HYCC1: variants seen among roughly 807,000 people sequenced by gnomAD.
The protein encoded by HYCC1 is hyccin.
At chr7:22,992,988 T>TA in the HYCC1 span, among the ~76,000 whole-genome samples, 1 of 152,082 alleles carries the variant, frequency 6.6e-6, no homozygotes, top group African/African-American at 2.4e-5. Context: ...GTATAAAACT[T>TA]ACCAAAAACT....
the HYCC1 span, among the ~76,000 whole-genome samples, chr7:22,923,603 AAAG>A: frequency 4.1e-3 from 620 of 152,254 alleles, 6 homozygotes; most frequent in East Asian, 0.022. Flanking sequence ...AATAAACAAA[AAAG>A]AAGTTTATCT....
chr7:22,968,589 T>C, the HYCC1 span, among the ~76,000 whole-genome samples: 100,188 of 152,070 alleles, frequency 0.66, 33,021 homozygotes, highest in Non-Finnish European at 0.68. Flanking sequence ...TATTACCCAA[T>C]ATGGCCCTAT....
At chr7:22,953,357 A>G in the HYCC1 span, among the ~76,000 whole-genome samples, 1 of 151,946 alleles carries the variant, frequency 6.6e-6, no homozygotes, top group Non-Finnish European at 1.5e-5. Flanking sequence ...AATAATCAAT[A>G]ATAAAAAATA....
chr7:23,003,367 G>C, the HYCC1 span, among the ~76,000 whole-genome samples: 3 of 151,902 alleles, frequency 2.0e-5, no homozygotes, highest in African/African-American at 7.3e-5. Context: ...TAAAACAGCA[G>C]AAATGAGTGT....
chr7:23,005,426 C>T, the HYCC1 span, among the ~76,000 whole-genome samples: 1 of 152,114 alleles, frequency 6.6e-6, no homozygotes, highest in African/African-American at 2.4e-5. Flanking sequence ...AAATATTAAT[C>T]ATTTGGACAA....
chr7:22,954,786 A>G, the HYCC1 span, among the ~76,000 whole-genome samples: 2 of 151,490 alleles, frequency 1.3e-5, no homozygotes, highest in Non-Finnish European at 3.0e-5. Context: ...AAAATTTTGT[A>G]CTCTTGGATC....
chr7:22,923,783 C>A, the HYCC1 span, among the ~76,000 whole-genome samples: 1 of 151,862 alleles, frequency 6.6e-6, no homozygotes, highest in Non-Finnish European at 1.5e-5. Flanking sequence ...ATACTATAAA[C>A]AACTGTATGC....
At chr7:22,917,981 C>T in the HYCC1 span, among the ~76,000 whole-genome samples, 2 of 152,144 alleles carry the variant, frequency 1.3e-5, no homozygotes, top group Non-Finnish European at 2.9e-5. Flanking sequence ...CAAACAATTG[C>T]TGGCTTTGCA....
At chr7:22,981,622 G>A in the HYCC1 span, among the ~76,000 whole-genome samples, 19 of 152,116 alleles carry the variant, frequency 1.2e-4, no homozygotes, top group African/African-American at 2.4e-4. Context: ...CCAATGCTTC[G>A]GAAAGTGTGG....
At chr7:23,012,995 A>AGC in the HYCC1 span, among the ~76,000 whole-genome samples, 1 of 152,184 alleles carries the variant, frequency 6.6e-6, no homozygotes, top group Non-Finnish European at 1.5e-5. Context: ...CTACCTGAAG[A>AGC]GCGCCGCGGC....
At chr7:22,994,180 C>T in the HYCC1 span, among the ~76,000 whole-genome samples, 1 of 152,078 alleles carries the variant, frequency 6.6e-6, no homozygotes, top group Non-Finnish European at 1.5e-5. Context: ...AAACTAGAAA[C>T]AAACCAAATG....
At chr7:23,004,014 G>A in the HYCC1 span, among the ~76,000 whole-genome samples, 1 of 152,208 alleles carries the variant, frequency 6.6e-6, no homozygotes, top group Non-Finnish European at 1.5e-5. Flanking sequence ...AAATAGTTCA[G>A]TATGACCATG....
At chr7:22,931,122 A>T in the HYCC1 span, among the ~76,000 whole-genome samples, 6 of 152,142 alleles carry the variant, frequency 3.9e-5, no homozygotes, top group South Asian at 1.2e-3. Flanking sequence ...GTCATATAGG[A>T]TTAAGATACG....
chr7:22,913,809 T>C, the HYCC1 span, among the ~76,000 whole-genome samples: 1 of 152,222 alleles, frequency 6.6e-6, no homozygotes, highest in Admixed American at 6.5e-5. Flanking sequence ...TGCTGGTATC[T>C]TCACACGGAC....
chr7:22,989,886 A>C, the HYCC1 span, among the ~76,000 whole-genome samples: 2 of 152,218 alleles, frequency 1.3e-5, no homozygotes, highest in Non-Finnish European at 2.9e-5. Flanking sequence ...GAAAAATGTC[A>C]TAACAATCTC....
At chr7:22,976,233 C>T in the HYCC1 span, 3 of 1,612,012 alleles carry the variant, frequency 1.9e-6, no homozygotes, top group Non-Finnish European at 1.7e-6. Flanking sequence ...GACACAGTGA[C>T]TGAAGAGAAA....
chr7:22,998,963 C>T, the HYCC1 span, among the ~76,000 whole-genome samples: 1 of 152,148 alleles, frequency 6.6e-6, no homozygotes, highest in African/African-American at 2.4e-5. Context: ...TCTTCTCTAC[C>T]TTCCTTTCAC....
the HYCC1 span, among the ~76,000 whole-genome samples, chr7:22,971,592 C>T: frequency 6.7e-6 from 1 of 149,462 alleles, no homozygotes; most frequent in South Asian, 2.1e-4. Flanking sequence ...ACAAGAATTG[C>T]TTGAGCCTGG....
chr7:22,939,466 AAG>A, the HYCC1 span: 1 of 152,208 alleles, frequency 6.6e-6, no homozygotes, highest in South Asian at 2.1e-4. Context: ...AGGAAAAAAA[AAG>A]AGAAATCTTA....
Sources: gnomAD v4.1 joint callset for allele counts (sites outside exome capture counted in the v4.1 genomes callset) on GRCh38, gnomAD v4.1.1 for gene constraint, MANE v1.5 for transcripts, NCBI Gene and HGNC (gene_info 2026-07-23, HGNC 2026-07-21) for gene names.